Variants in ASCC3 observed in about 807,000 individuals in gnomAD.
ASCC3 encodes activating signal cointegrator 1 complex subunit 3.
ASCC3 carries 158 observed loss-of-function variants against 256.3 expected under a neutral mutation model. The ratio of observed to expected loss-of-function variants is 0.62; its 90% CI spans 0.54 to 0.70. The LOEUF is 0.70. ASCC3 is among the 30% of genes least tolerant of loss of function. The pLI, the probability that ASCC3 is intolerant of heterozygous loss-of-function variation, is 0.00. For missense variants in ASCC3, 2,259 were observed against 2,626.0 expected, an observed-to-expected ratio of 0.86 and a Z score of 3.05; for synonymous variants, 948 against 883.4, an observed-to-expected ratio of 1.07 and a Z score of -1.30.
chr6:100,644,484 G>T (rs1775283028), intron 22 of ASCC3, among the ~76,000 whole-genome samples: 1 of 152,130 alleles, frequency 6.6e-6, no homozygotes, highest in Non-Finnish European at 1.5e-5. Flanking sequence ...TGGTTTCACA[G>T]TTCATCTATG....
At chr6:100,728,205 T>A (rs1381569606) in intron 10 of ASCC3, among the ~76,000 whole-genome samples, 1 of 151,874 alleles carries the variant, frequency 6.6e-6, no homozygotes, top group Non-Finnish European at 1.5e-5. Flanking sequence ...GAATATATAT[T>A]TTTTCATATT....
intron 17 of ASCC3, among the ~76,000 whole-genome samples, 169 bp downstream of exon 17, chr6:100,655,530 A>C (rs1371715790): frequency 6.6e-6 from 1 of 151,838 alleles, no homozygotes; most frequent in African/African-American, 2.4e-5. Context: ...TAGCCTGCCT[A>C]ATAACTACAG....
chr6:100,590,092 T>G (rs1771926706), intron 34 of ASCC3, 33 bp from the exon 35 acceptor site: 1 of 1,475,016 alleles, frequency 6.8e-7, no homozygotes, highest in Non-Finnish European at 9.5e-7. Context: ...ATTATTTGTT[T>G]CAAGACATTT....
At chr6:100,524,623 T>A (rs1010796984) in intron 37 of ASCC3, among the ~76,000 whole-genome samples, 38 of 152,098 alleles carry the variant, frequency 2.5e-4, no homozygotes, top group African/African-American at 9.2e-4. Flanking sequence ...CTCATTATTT[T>A]AAAAATTTCC....
chr6:100,805,627 T>C (rs2114363975), intron 5 of ASCC3, 133 bp downstream of exon 5: 2 of 1,115,732 alleles, frequency 1.8e-6, no homozygotes, highest in East Asian at 5.3e-5. Context: ...ATATCTAAAA[T>C]CTATTTAACA....
At chr6:100,743,816 T>C (rs2115076331) in intron 10 of ASCC3, among the ~76,000 whole-genome samples, 2 of 152,270 alleles carry the variant, frequency 1.3e-5, no homozygotes, top group South Asian at 4.1e-4. Context: ...GATGAAAAGA[T>C]AACAGTACCT....
At chr6:100,713,649 T>C (rs1189919025) in intron 13 of ASCC3, among the ~76,000 whole-genome samples, 1 of 151,988 alleles carries the variant, frequency 6.6e-6, no homozygotes, top group Non-Finnish European at 1.5e-5. Flanking sequence ...TGTGTGGGAG[T>C]AGGGAGCACA....
chr6:100,801,085 TA>T (rs1490460894), intron 5 of ASCC3, among the ~76,000 whole-genome samples: 2 of 152,026 alleles, frequency 1.3e-5, no homozygotes, highest in Admixed American at 6.6e-5. Flanking sequence ...CACAGTTTTT[TA>T]AAAAATGGAA....
Position 100,662,526 on chromosome 6 carries a change from G to A in ASCC3, c.2297C>T (p.Ser766Leu), listed in dbSNP as rs769978287. 5.7e-5 allele frequency: 92 copies of A among 1,612,468 alleles called. No homozygotes were observed. Among genetic ancestry groups the A allele is most frequent in the Non-Finnish European group, 7.1e-5 (84 of 1,179,126 alleles). ...TAATTCTCGTACTTGCTTATTTCTC[G>A]ACCTTTGTACCTAGATACCAAGAAA... ...YVLAEKQVQR[S>L]RNKQVRELFP... The change falls in exon 15 of 42, where the codon TCG (serine) becomes TTG (leucine). Residue 766 changes from serine (S) to leucine (L), a missense_variant. This residue lies in a region of ASCC3 where 1,839 missense variants were observed against 2,206.7 expected (regional missense o/e 0.83). Coordinates refer to ENST00000369162, the MANE Select transcript of ASCC3 (RefSeq NM_006828.4).
Position 100,592,342 on chromosome 6 carries a change from T to C in ASCC3, c.5304-2283A>G, listed in dbSNP as rs1019603875. ...TCACCAACATTCTTATTGACTTGCA[T>C]AACAGAAGAAATACAAAATTCAATT... On this transcript the variant is annotated intron_variant, in intron 34 of 41. Coordinates refer to ENST00000369162, the MANE Select transcript of ASCC3 (RefSeq NM_006828.4). Among the ~76,000 whole-genome samples the C allele has an allele frequency of 5.3e-5, 8 of 152,108 alleles. No homozygotes were observed. In the East Asian group the frequency reaches 1.5e-3, roughly 29 times the overall value.
intron 10 of ASCC3, among the ~76,000 whole-genome samples, chr6:100,741,993 G>A (rs1429000141): frequency 6.6e-6 from 1 of 152,092 alleles, no homozygotes; most frequent in Non-Finnish European, 1.5e-5. Flanking sequence ...TCTCATCTTT[G>A]CGGGCTTATT....
intron 30 of ASCC3, among the ~76,000 whole-genome samples, chr6:100,621,254 CATA>C (rs1258817871): frequency 1.1e-4 from 17 of 152,090 alleles, no homozygotes; most frequent in African/African-American, 3.4e-4. Context: ...ATGGAAATGA[CATA>C]ATATTTCTAG....
intron 3 of ASCC3, chr6:100,859,111 T>C (rs768758320): frequency 5.1e-6 from 4 of 779,772 alleles, no homozygotes; most frequent in African/African-American, 3.4e-5. Context: ...ATTTTTGTCA[T>C]CTTAGTCCTC....
intron 20 of ASCC3, among the ~76,000 whole-genome samples, chr6:100,647,988 C>T (rs1775469008): frequency 6.6e-6 from 1 of 152,078 alleles, no homozygotes; most frequent in Non-Finnish European, 1.5e-5. Context: ...ACTTGCTTTA[C>T]ATATATTGCC....
chr6:100,570,960 A>G (rs534399715), intron 36 of ASCC3, among the ~76,000 whole-genome samples: 7 of 152,156 alleles, frequency 4.6e-5, no homozygotes, highest in Non-Finnish European at 1.5e-5. Flanking sequence ...ATCTTCTCTC[A>G]TGTGGACTTT....
At chr6:100,697,501 C>G (rs1456388006) in intron 13 of ASCC3, among the ~76,000 whole-genome samples, 1 of 151,420 alleles carries the variant, frequency 6.6e-6, no homozygotes, top group Non-Finnish European at 1.5e-5. Flanking sequence ...TGGTTTAAAT[C>G]TAATTTTATA....
chr6:100,769,421 A>G (rs998900836), intron 8 of ASCC3, among the ~76,000 whole-genome samples: 5 of 151,992 alleles, frequency 3.3e-5, no homozygotes, highest in Non-Finnish European at 7.4e-5. Flanking sequence ...TATGCTAATT[A>G]CCCTGATTTG....
At chr6:100,547,677 A>T (rs913366773) in intron 36 of ASCC3, among the ~76,000 whole-genome samples, 1 of 152,082 alleles carries the variant, frequency 6.6e-6, no homozygotes, top group African/African-American at 2.4e-5. Context: ...TGGAAATTTC[A>T]TGCATAGCTG....
At chr6:100,738,223 T>C (rs1416700466) in intron 10 of ASCC3, among the ~76,000 whole-genome samples, 1 of 152,232 alleles carries the variant, frequency 6.6e-6, no homozygotes, top group Non-Finnish European at 1.5e-5. Context: ...TTTAGTTTAA[T>C]TAGATACCAT....
Sources: allele counts gnomAD v4.1 joint callset (sites outside exome capture counted in the v4.1 genomes callset), GRCh38; gene constraint gnomAD v4.1.1; regional missense constraint gnomAD v4.1.1; transcripts MANE v1.5; gene names NCBI Gene and HGNC (gene_info 2026-07-23, HGNC 2026-07-21).